Variants in BBX observed in about 807,000 individuals in gnomAD.
The protein encoded by BBX is BBX high mobility group box domain containing, also known as HMG box transcription factor BBX.
Under a neutral mutation model 100.2 loss-of-function variants are expected in BBX, and 30 were observed. The ratio of observed to expected loss-of-function variants is 0.30; its 90% CI spans 0.22 to 0.41. The LOEUF (loss-of-function observed/expected upper bound fraction) is 0.41, where lower values mean the gene tolerates loss of function less well. Ranked by LOEUF, BBX falls within the 10% of genes least tolerant of loss-of-function variation. The pLI is 1.00. For synonymous variants in BBX, 376 were observed against 388.1 expected, an observed-to-expected ratio of 0.97 and a Z score of 0.37; for missense variants, 1,023 against 1,129.8, an observed-to-expected ratio of 0.91 and a Z score of 1.35.
rs1170369769 is a variant in BBX, at chr3:107,773,392, T to A, written c.1671T>A (p.Ser557Arg). ...AGTCAAGACCTCCAGATTTCATTAG[T>A]ATTTCTGCTAGCAAGAACATTTCTG... ...TKESRPPDFI[S>R]ISASKNISGE... The change falls in exon 11 of 18, where the codon AGT (serine) becomes AGA (arginine). Residue 557 changes from serine (S) to arginine (R), a missense_variant. Coordinates refer to ENST00000325805, the MANE Select transcript of BBX (RefSeq NM_001142568.3). This position sits in a 1 kb window ranked among gnomAD's most constrained non-coding sequence, Gnocchi z 4.1. 6.2e-7 allele frequency: 1 copy of A among 1,614,116 alleles called. No individual in the cohort carries two copies. Among genetic ancestry groups the A allele is most frequent in the Non-Finnish European group, 8.5e-7 (1 of 1,180,000 alleles).
intron 3 of BBX, among the ~76,000 whole-genome samples, chr3:107,703,978 AGTT>A: frequency 6.6e-6 from 1 of 152,112 alleles, no homozygotes; most frequent in Non-Finnish European, 1.5e-5. Context: ...GGAAATAGAG[AGTT>A]GGCAGATTGA....
At chr3:107,653,599 T>G (rs559165244) in intron 3 of BBX, among the ~76,000 whole-genome samples, 1 of 152,384 alleles carries the variant, frequency 6.6e-6, no homozygotes, top group African/African-American at 2.4e-5. Context: ...GCAGTTGTTC[T>G]GTCTCTGCTG....
chr3:107,690,175 G>A (rs2060070227), intron 3 of BBX, among the ~76,000 whole-genome samples: 1 of 152,024 alleles, frequency 6.6e-6, no homozygotes, highest in South Asian at 2.1e-4. Context: ...GAATGTATTA[G>A]ATATGTCAGA....
intron 8 of BBX, among the ~76,000 whole-genome samples, chr3:107,747,259 G>A (rs1359336822): frequency 6.6e-6 from 1 of 151,962 alleles, no homozygotes; most frequent in Admixed American, 6.6e-5. Context: ...GTTTGTGTTG[G>A]GTGGGAGGAC....
chr3:107,636,694 CT>C (rs2056870354), intron 2 of BBX, among the ~76,000 whole-genome samples: 1 of 152,120 alleles, frequency 6.6e-6, no homozygotes, highest in Admixed American at 6.5e-5. Flanking sequence ...AAGGATAACC[CT>C]TATGTCTACC....
At chr3:107,791,163 C>A (rs1243354293) in intron 14 of BBX, 77 bp from the exon 15 acceptor site, 2 of 1,209,508 alleles carry the variant, frequency 1.7e-6, no homozygotes, top group East Asian at 4.7e-5. Context: ...GTTTGTATAT[C>A]ATCTTGTTTT....
At chr3:107,750,436 C>T (rs889792148) in intron 9 of BBX, among the ~76,000 whole-genome samples, 2 of 152,124 alleles carry the variant, frequency 1.3e-5, no homozygotes, top group Admixed American at 1.3e-4. Flanking sequence ...GAGATGTAGT[C>T]CCTACAAGAT....
chr3:107,800,993 G>C (rs1385480375), intron 16 of BBX, 102 bp from the exon 17 acceptor site: 11 of 1,084,990 alleles, frequency 1.0e-5, no homozygotes, highest in Non-Finnish European at 1.5e-5. Flanking sequence ...GAATGGTAGA[G>C]AATGTTAGCT....
intron 5 of BBX, among the ~76,000 whole-genome samples, chr3:107,725,489 T>A (rs1017438645): frequency 4.6e-5 from 7 of 152,086 alleles, no homozygotes; most frequent in African/African-American, 1.7e-4. Flanking sequence ...CTTGTGCCAG[T>A]TTTCAAAGGG....
intron 2 of BBX, among the ~76,000 whole-genome samples, chr3:107,555,227 T>C (rs1393842538): frequency 6.6e-6 from 1 of 152,208 alleles, no homozygotes; most frequent in East Asian, 1.9e-4. Flanking sequence ...CATGTACTTT[T>C]GAGTAGATGG....
chr3:107,684,826 G>T (rs1243901727), intron 3 of BBX: 1 of 152,160 alleles, frequency 6.6e-6, no homozygotes, highest in African/African-American at 2.4e-5. Context: ...ATCTGTCTTC[G>T]AAGGAGAGCT....
At chr3:107,636,466 A>G (rs556338067) in intron 2 of BBX, among the ~76,000 whole-genome samples, 35 of 152,336 alleles carry the variant, frequency 2.3e-4, no homozygotes, top group African/African-American at 7.2e-4. Flanking sequence ...AAGTTTCTAC[A>G]TGAGACTTGA....
At chr3:107,533,935 C>T (rs181168382) in intron 2 of BBX, among the ~76,000 whole-genome samples, 42 of 152,064 alleles carry the variant, frequency 2.8e-4, no homozygotes, top group Admixed American at 1.8e-3. Context: ...TTCTAGATAC[C>T]TTTATTTTCA....
At chr3:107,760,295 T>C (rs945162187) in intron 10 of BBX, among the ~76,000 whole-genome samples, 1 of 152,242 alleles carries the variant, frequency 6.6e-6, no homozygotes, top group Admixed American at 6.5e-5. Flanking sequence ...GAAGACAGCT[T>C]ACTCCTACAC....
chr3:107,575,367 G>T (rs1308828479), intron 2 of BBX, among the ~76,000 whole-genome samples: 1 of 152,024 alleles, frequency 6.6e-6, no homozygotes, highest in Non-Finnish European at 1.5e-5. Context: ...TTTGTTGCCA[G>T]TGTTTATGGA....
In BBX at chr3:107,667,710, G is replaced by A. The variant is rs146772989; in HGVS notation, c.-10+21801G>A. Among the ~76,000 whole-genome samples the A allele has an allele frequency of 3.6e-3, 542 of 151,712 alleles. 3 individuals are homozygous for A. The highest frequency in any genetic ancestry group is 0.012 in the African/African-American group (501 of 41,452). ...TTATTATCTATTATACAGTAAAGTT[G>A]GTAATAAATATAAAAGTAACTCAGC... On this transcript the variant is annotated intron_variant, in intron 3 of 17. Transcript: ENST00000325805.
intron 5 of BBX, among the ~76,000 whole-genome samples, chr3:107,717,664 A>G (rs1413468874): frequency 2.6e-5 from 4 of 152,154 alleles, no homozygotes; most frequent in Admixed American, 6.6e-5. Context: ...AAGGTGGGAC[A>G]TTAATCACTT....
chr3:107,783,649 T>C (rs1404796692), intron 13 of BBX, among the ~76,000 whole-genome samples: 2 of 152,044 alleles, frequency 1.3e-5, no homozygotes, highest in Non-Finnish European at 2.9e-5. Flanking sequence ...TTCTCCTACG[T>C]TGGTTTTCCA....
At chr3:107,783,327 A>T (rs988612076) in intron 13 of BBX, among the ~76,000 whole-genome samples, 15 of 152,086 alleles carry the variant, frequency 9.9e-5, no homozygotes, top group East Asian at 3.9e-4. Flanking sequence ...AAGGAATTTT[A>T]AAAATGTAAG....
Sources: allele counts gnomAD v4.1 joint callset (sites outside exome capture counted in the v4.1 genomes callset), GRCh38; gene constraint gnomAD v4.1.1; non-coding constraint Gnocchi (gnomAD v3.1); transcripts MANE v1.5; gene names NCBI Gene and HGNC (gene_info 2026-07-23, HGNC 2026-07-21).